STXBP5: variants seen among roughly 807,000 people sequenced by gnomAD.
STXBP5 encodes syntaxin-binding protein 5.
A neutral mutation model predicts 152.4 loss-of-function variants in STXBP5; 50 were observed. That is an observed-to-expected ratio of 0.33 (90% CI 0.26 to 0.42). The LOEUF (loss-of-function observed/expected upper bound fraction) is 0.42. Ranked by LOEUF, STXBP5 falls within the 10% of genes least tolerant of loss-of-function variation. The pLI is 1.00. For missense variants in STXBP5, 1,167 were observed against 1,388.6 expected, an observed-to-expected ratio of 0.84 and a Z score of 2.54; for synonymous variants, 492 against 494.7, an observed-to-expected ratio of 0.99 and a Z score of 0.07.
At chr6:147,215,278 A>C (rs1244252391) in intron 2 of STXBP5, among the ~76,000 whole-genome samples, 1 of 152,260 alleles carries the variant, frequency 6.6e-6, no homozygotes, top group Non-Finnish European at 1.5e-5. Context: ...GTTCAGTAAG[A>C]AATACATTTT....
intron 19 of STXBP5, 100 bp from the exon 20 acceptor site, chr6:147,339,079 T>C: frequency 4.9e-6 from 5 of 1,013,402 alleles, no homozygotes; most frequent in Non-Finnish European, 7.2e-6. Flanking sequence ...TAACTTGTTT[T>C]GAAAGTTACC....
At chr6:147,252,214 G>A (rs1019967828) in intron 4 of STXBP5, among the ~76,000 whole-genome samples, 1 of 152,016 alleles carries the variant, frequency 6.6e-6, no homozygotes, top group Non-Finnish European at 1.5e-5. Flanking sequence ...GAACAAAACT[G>A]GACAGAGAAT....
At chr6:147,296,349 C>A (rs1326926817) in intron 9 of STXBP5, among the ~76,000 whole-genome samples, 1 of 152,176 alleles carries the variant, frequency 6.6e-6, no homozygotes, top group Non-Finnish European at 1.5e-5. Flanking sequence ...ACAACCTAAG[C>A]CACTAAGGCA....
intron 6 of STXBP5, among the ~76,000 whole-genome samples, chr6:147,265,267 A>G (rs1779836257): frequency 6.6e-6 from 1 of 152,084 alleles, no homozygotes; most frequent in Non-Finnish European, 1.5e-5. Context: ...GTTAGTTTTG[A>G]TAGTTAGTCC....
intron 8 of STXBP5, among the ~76,000 whole-genome samples, chr6:147,281,521 G>A (rs891197481): frequency 1.3e-5 from 2 of 152,158 alleles, no homozygotes; most frequent in African/African-American, 4.8e-5. Flanking sequence ...ACTATTGTCT[G>A]TTGTGGTTTC....
chr6:147,278,888 G>C (rs1247137527), intron 8 of STXBP5, among the ~76,000 whole-genome samples: 1 of 152,184 alleles, frequency 6.6e-6, no homozygotes, highest in African/African-American at 2.4e-5. Context: ...ATGTCTACCA[G>C]AGAAGCTCAC....
intron 21 of STXBP5, among the ~76,000 whole-genome samples, chr6:147,346,298 G>A (rs1307648387): frequency 6.6e-6 from 1 of 152,124 alleles, no homozygotes; most frequent in Non-Finnish European, 1.5e-5. Context: ...TCATCACAAA[G>A]TTATACCAGT....
At chr6:147,269,649 GA>G (rs1220723308) in intron 7 of STXBP5, among the ~76,000 whole-genome samples, 3 of 152,122 alleles carry the variant, frequency 2.0e-5, no homozygotes, top group African/African-American at 7.2e-5. Flanking sequence ...TGAACATGTT[GA>G]AAAAAGACAT....
intron 18 of STXBP5, among the ~76,000 whole-genome samples, chr6:147,329,161 G>A (rs998057540): frequency 6.6e-6 from 1 of 150,714 alleles, no homozygotes; most frequent in African/African-American, 2.4e-5. Context: ...TAAATGCCTA[G>A]ATTTATCTAA....
chr6:147,368,654 G>A (rs1053080772), intron 25 of STXBP5, among the ~76,000 whole-genome samples: 11 of 152,002 alleles, frequency 7.2e-5, no homozygotes, highest in Admixed American at 3.9e-4. Context: ...AAAGGAAAGC[G>A]GCTGTCTTTA....
intron 9 of STXBP5, among the ~76,000 whole-genome samples, chr6:147,306,501 G>T (rs1782100000): frequency 6.6e-6 from 1 of 152,186 alleles, no homozygotes. Context: ...CAACTCAACT[G>T]AATGCTATCA....
rs191068933 is a variant in STXBP5 at position 147,353,717 on chromosome 6, T to C, written c.2305+344T>C. Among the ~76,000 whole-genome samples, 304 of 152,302 alleles carry C rather than the reference T, an allele frequency of 2.0e-3. 1 individual carries two copies. The highest frequency in any genetic ancestry group is 7.0e-3 in the African/African-American group (291 of 41,584). ...AACCATGTGAAAACCTATTTTGAAC[T>C]TTATAAAATTATTTTTATACTAATG... On this transcript the variant is annotated intron_variant, in intron 22 of 27. Transcript: ENST00000321680.
intron 22 of STXBP5, among the ~76,000 whole-genome samples, chr6:147,358,228 A>G (rs2128410887): frequency 6.6e-6 from 1 of 152,234 alleles, no homozygotes; most frequent in African/African-American, 2.4e-5. Context: ...AAAAAGATCC[A>G]TCATACAGTA....
At chr6:147,292,694 A>C (rs1582900349) in intron 9 of STXBP5, 2 of 152,638 alleles carry the variant, frequency 1.3e-5, no homozygotes, top group East Asian at 3.8e-4. Context: ...CTAAATATTT[A>C]AATTAATAGT....
At chr6:147,258,969 A>G (rs559253500) in intron 4 of STXBP5, among the ~76,000 whole-genome samples, 2 of 152,232 alleles carry the variant, frequency 1.3e-5, no homozygotes, top group African/African-American at 4.8e-5. Context: ...TTGCCAGTTA[A>G]GAAATTCTTG....
chr6:147,271,361 A>G, intron 7 of STXBP5, among the ~76,000 whole-genome samples: 1 of 152,160 alleles, frequency 6.6e-6, no homozygotes, highest in East Asian at 1.9e-4. Context: ...CAGAGTAGAC[A>G]TTCTTTTCAG....
chr6:147,322,248 A>G (rs1049822784), intron 16 of STXBP5, among the ~76,000 whole-genome samples: 2 of 152,214 alleles, frequency 1.3e-5, no homozygotes, highest in Non-Finnish European at 2.9e-5. Context: ...CTGGGAAGAA[A>G]TGAAATGCCT....
At chr6:147,268,276 A>G (rs991744620) in intron 7 of STXBP5, among the ~76,000 whole-genome samples, 2 of 152,146 alleles carry the variant, frequency 1.3e-5, no homozygotes, top group Non-Finnish European at 2.9e-5. Context: ...TGGAACTATG[A>G]CTTCTTTCAG....
Position 147,339,201 on chromosome 6 carries a change from A to C in STXBP5, c.2169A>C (p.Ser723=), listed in dbSNP as rs1562255727. ...TAGGTTCTTCATCACCACACAATTC[A>C]GATGATGAACAAAAAATGAATAATT... ...PTSGSSSPHN[S]DDEQKMNNFI... Residue 723 remains serine, a synonymous_variant, in exon 20 of 28, where the codon TCA becomes TCC. Transcript: ENST00000321680. 6.5e-7 allele frequency: 1 copy of C among 1,540,466 alleles called. No homozygotes were observed.
Sources: gnomAD v4.1 joint callset for allele counts (sites outside exome capture counted in the v4.1 genomes callset) on GRCh38, gnomAD v4.1.1 for gene constraint, MANE v1.5 for transcripts, NCBI Gene and HGNC (gene_info 2026-07-23, HGNC 2026-07-21) for gene names.